Variants in PLCXD3 observed in about 807,000 individuals in gnomAD.
PLCXD3 encodes the protein PI-PLC X domain-containing protein 3.
Under a neutral mutation model 25.5 loss-of-function variants are expected in PLCXD3, and 19 were observed. That is an observed-to-expected ratio of 0.75 (90% CI 0.52 to 1.09). The LOEUF (loss-of-function observed/expected upper bound fraction) is 1.09. PLCXD3 is among the 50% of genes least tolerant of loss of function. PLCXD3 has a pLI of 0.00. For missense variants in PLCXD3, 411 were observed against 388.1 expected (o/e 1.06, Z -0.50); for synonymous variants, 174 against 137.6 (o/e 1.26, Z -1.85).
chr5:41,492,596 T>C (rs1377462971), intron 1 of PLCXD3, among the ~76,000 whole-genome samples: 3 of 152,254 alleles, frequency 2.0e-5, no homozygotes, highest in South Asian at 2.1e-4. Flanking sequence ...TTTGATCTTT[T>C]CACATAGTCC....
chr5:41,389,378 A>C (rs1580343890), intron 1 of PLCXD3, among the ~76,000 whole-genome samples: 1 of 152,154 alleles, frequency 6.6e-6, no homozygotes, highest in East Asian at 1.9e-4. Context: ...AATTAAGCAG[A>C]ATACCTCCTT....
chr5:41,510,129 G>A (rs534916079), intron 1 of PLCXD3, among the ~76,000 whole-genome samples: 20 of 152,096 alleles, frequency 1.3e-4, no homozygotes, highest in African/African-American at 4.6e-4. Flanking sequence ...GGGTCACGAG[G>A]CACCATCCTG....
At chr5:41,385,921 T>A (rs1007138359) in intron 1 of PLCXD3, among the ~76,000 whole-genome samples, 2 of 152,102 alleles carry the variant, frequency 1.3e-5, no homozygotes, top group South Asian at 4.1e-4. Flanking sequence ...TAATCCTGCA[T>A]GAGTGAGATC....
At chr5:41,417,137 G>A (rs934255773) in intron 1 of PLCXD3, among the ~76,000 whole-genome samples, 9 of 152,148 alleles carry the variant, frequency 5.9e-5, no homozygotes, top group Admixed American at 4.6e-4. Flanking sequence ...GTGAAACACT[G>A]AAATAGCACT....
At chr5:41,488,088 C>A (rs976720856) in intron 1 of PLCXD3, among the ~76,000 whole-genome samples, 1 of 134,686 alleles carries the variant, frequency 7.4e-6, no homozygotes. Flanking sequence ...CCCCACGCCA[C>A]AACAGTCCCC....
At chr5:41,407,492 T>C (rs548572514) in intron 1 of PLCXD3, among the ~76,000 whole-genome samples, 1 of 152,320 alleles carries the variant, frequency 6.6e-6, no homozygotes, top group South Asian at 2.1e-4. Context: ...TTTGGACTTT[T>C]GGAGACAAAG....
chr5:41,357,078 AT>A (rs1744640467), intron 2 of PLCXD3, among the ~76,000 whole-genome samples: 1 of 152,242 alleles, frequency 6.6e-6, no homozygotes, highest in Non-Finnish European at 1.5e-5. Context: ...AGATGGGCAT[AT>A]GCTTACTTGC....
chr5:41,348,379 TTG>T, intron 2 of PLCXD3, among the ~76,000 whole-genome samples: 1 of 152,178 alleles, frequency 6.6e-6, no homozygotes, highest in East Asian at 1.9e-4. Flanking sequence ...GTTGTTGTTG[TTG>T]TCTTTGTATC....
chr5:41,461,985 T>C (rs1369393158), intron 1 of PLCXD3, among the ~76,000 whole-genome samples: 2 of 151,938 alleles, frequency 1.3e-5, no homozygotes, highest in Non-Finnish European at 2.9e-5. Flanking sequence ...CCTGAAGAAA[T>C]AACTGTATGA....
intron 1 of PLCXD3, among the ~76,000 whole-genome samples, chr5:41,424,427 C>A (rs1329941081): frequency 2.0e-5 from 3 of 152,102 alleles, no homozygotes; most frequent in African/African-American, 7.2e-5. Flanking sequence ...GTAATCCCAG[C>A]TACTCGGGAG....
chr5:41,354,598 C>A (rs1175523438), intron 2 of PLCXD3, among the ~76,000 whole-genome samples: 1 of 152,132 alleles, frequency 6.6e-6, no homozygotes. Flanking sequence ...CTTGCCACAG[C>A]CTCATTCAAT....
At chr5:41,321,391 G>T (rs1220437049) in intron 2 of PLCXD3, among the ~76,000 whole-genome samples, 1 of 151,972 alleles carries the variant, frequency 6.6e-6, no homozygotes, top group Non-Finnish European at 1.5e-5. Flanking sequence ...AAAAGTGAAA[G>T]AGCTCTATAA....
intron 2 of PLCXD3, among the ~76,000 whole-genome samples, chr5:41,353,928 T>G (rs1265092694): frequency 6.6e-6 from 1 of 152,198 alleles, no homozygotes; most frequent in East Asian, 1.9e-4. Flanking sequence ...AGATAAGAAC[T>G]GTTTCTTTTA....
At chr5:41,459,125 C>T (rs1319273906) in intron 1 of PLCXD3, among the ~76,000 whole-genome samples, 3 of 151,780 alleles carry the variant, frequency 2.0e-5, no homozygotes, top group Admixed American at 6.6e-5. Context: ...GTAGAGTTAT[C>T]GATCAAAGAA....
chr5:41,491,196 A>C (rs937398423), intron 1 of PLCXD3, among the ~76,000 whole-genome samples: 6 of 152,160 alleles, frequency 3.9e-5, no homozygotes, highest in African/African-American at 1.4e-4. Context: ...TTATGTACCC[A>C]GTAGTCATTC....
At chr5:41,364,218 T>C (rs912325880) in intron 2 of PLCXD3, among the ~76,000 whole-genome samples, 25 of 152,110 alleles carry the variant, frequency 1.6e-4, no homozygotes, top group African/African-American at 6.0e-4. Flanking sequence ...CAAGACAGCT[T>C]CCCGCAACGA....
intron 1 of PLCXD3, among the ~76,000 whole-genome samples, chr5:41,430,467 A>G (rs1286834728): frequency 6.6e-6 from 1 of 152,202 alleles, no homozygotes; most frequent in Admixed American, 6.5e-5. Context: ...TGTAGCTTGA[A>G]GGAACAAAAA....
intron 1 of PLCXD3, among the ~76,000 whole-genome samples, chr5:41,488,951 A>T (rs1190028049): frequency 6.6e-6 from 1 of 151,614 alleles, no homozygotes; most frequent in African/African-American, 2.4e-5. Context: ...CCATTTGTCA[A>T]TTTTGTCTTT....
chr5:41,470,856 G>T (rs1050627535), intron 1 of PLCXD3, among the ~76,000 whole-genome samples: 1 of 152,162 alleles, frequency 6.6e-6, no homozygotes, highest in Non-Finnish European at 1.5e-5. Context: ...TTTGCCACCT[G>T]ATCTGCCGGC....
Sources: allele counts gnomAD v4.1 joint callset (sites outside exome capture counted in the v4.1 genomes callset), GRCh38; gene constraint gnomAD v4.1.1; transcripts MANE v1.5; gene names NCBI Gene and HGNC (gene_info 2026-07-23, HGNC 2026-07-21).